The following ARHGEF10 variants were observed in gnomAD, a reference collection of about 807,000 sequenced individuals.
ARHGEF10 encodes Rho guanine nucleotide exchange factor (GEF) 10.
Under a neutral mutation model 147.4 loss-of-function variants are expected in ARHGEF10, and 140 were observed. That is an observed-to-expected ratio of 0.95 (90% confidence interval 0.83 to 1.09). The LOEUF (loss-of-function observed/expected upper bound fraction) is 1.09, where lower values mean the gene tolerates loss of function less well. Among genes scored for constraint, ARHGEF10 ranks in the 50% least tolerant of loss-of-function variants. The probability of loss-of-function intolerance (pLI) is 0.00; values close to 1 mark genes in which losing one functional copy is unlikely to be tolerated. For missense variants in ARHGEF10, 2,222 were observed against 1,752.7 expected (o/e 1.27, Z -4.78); for synonymous variants, 902 against 695.8 (o/e 1.30, Z -4.67).
intron 12 of ARHGEF10, among the ~76,000 whole-genome samples, chr8:1,894,021 A>G (rs1184263911): frequency 1.3e-5 from 2 of 151,902 alleles, no homozygotes; most frequent in East Asian, 3.9e-4. Context: ...TAAAATACAA[A>G]ATATTAGCCG....
intron 14 of ARHGEF10, 109 bp from the exon 15 acceptor site, chr8:1,898,324 A>G: frequency 1.1e-6 from 1 of 933,504 alleles, no homozygotes; most frequent in Non-Finnish European, 1.7e-6. Context: ...GACAAGGTGC[A>G]GGCTTTTGAC....
rs189891248 is a variant in ARHGEF10, at chr8:1,850,562, A to G, written c.37+7126A>G. Among the ~76,000 whole-genome samples the G allele has an allele frequency of 4.6e-4, 69 of 151,450 alleles. No individual in the cohort carries two copies. The Middle Eastern group carries it at 0.017, about 37-fold the overall frequency. On this transcript the variant is annotated intron_variant, in intron 2 of 28. Transcript: ENST00000349830. ...GCGTGGGGCAGCTGCGTGGACACAG[A>G]CGGCAAATGCTGAGGAGGGCCGGGT...
chr8:1,950,676 T>TGCCTA (rs1444336260), intron 27 of ARHGEF10, among the ~76,000 whole-genome samples: 1 of 151,450 alleles, frequency 6.6e-6, no homozygotes, highest in African/African-American at 2.4e-5. Context: ...GGATAACAGG[T>TGCCTA]GCCTACCACC....
chr8:1,844,345 C>T (rs7007668), intron 2 of ARHGEF10, among the ~76,000 whole-genome samples: 5,253 of 145,316 alleles, frequency 0.036, 76 homozygotes, highest in East Asian at 0.099. Flanking sequence ...GTCACCGGGG[C>T]CTGGTAGATG....
intron 1 of ARHGEF10, among the ~76,000 whole-genome samples, chr8:1,829,315 C>A (rs550988450): frequency 2.6e-5 from 4 of 152,378 alleles, no homozygotes; most frequent in African/African-American, 7.2e-5. Flanking sequence ...ATGGTGCGTG[C>A]AGTTCTGAGC....
chr8:1,866,462 G>T (rs1447435672), intron 5 of ARHGEF10, 64 bp from the exon 6 acceptor site: 9 of 1,409,104 alleles, frequency 6.4e-6, no homozygotes, highest in Non-Finnish European at 9.0e-6. Context: ...CTGCAGGGCA[G>T]TTGGCATCCT....
Position 1,956,992 on chromosome 8 carries a change from A to T in ARHGEF10, c.3764A>T (p.Asp1255Val). ...DSLGSMTQKSDLSSSSGSLSL... is the reference protein window; with the variant it reads ...DSLGSMTQKSVLSSSSGSLSL... ...CTGGGATCGATGACTCAGAAAAGCG[A>T]CCTGTCCTCCTCATCTGGGTCCCTG... Residue 1255 changes from aspartate to valine, a missense_variant, in exon 29 of 29, where the codon GAC becomes GTC. Physicochemically the swap from Asp to Val is radical, Grantham distance 152 (BLOSUM62 -3). Transcript: ENST00000349830. The T allele has an allele frequency of 6.2e-7, 1 of 1,614,084 alleles. No individual in the cohort carries two copies. The highest frequency in any genetic ancestry group is 8.5e-7 in the Non-Finnish European group (1 of 1,180,036).
intron 16 of ARHGEF10, among the ~76,000 whole-genome samples, chr8:1,904,988 G>C (rs1427668420): frequency 6.6e-6 from 1 of 152,142 alleles, no homozygotes; most frequent in Non-Finnish European, 1.5e-5. Flanking sequence ...AATTAGCTGG[G>C]TGTGGTGGTG....
At chr8:1,940,514 C>T (rs1443960297) in intron 26 of ARHGEF10, among the ~76,000 whole-genome samples, 2 of 152,134 alleles carry the variant, frequency 1.3e-5, no homozygotes. Context: ...CAACAAAAAG[C>T]CCAGGACCAG....
intron 28 of ARHGEF10, among the ~76,000 whole-genome samples, chr8:1,956,339 T>C (rs6989473): frequency 6.6e-6 from 1 of 152,056 alleles, no homozygotes; most frequent in Non-Finnish European, 1.5e-5. Flanking sequence ...TAGTCATTTC[T>C]TTCCCAAACC....
In ARHGEF10 at chr8:1,824,008, C is replaced by G. The variant is rs1211872498; in HGVS notation, c.-153C>G. On this transcript the variant is annotated 5_prime_UTR_variant, in exon 1 of 29. Transcript: ENST00000349830. Reference sequence around the variant, plus strand: ...CGGGGGACGCGGGGGACGCGGGGGACGGCGGGGAACGGCGGGGGACGGCGG... The same window carrying G: ...CGGGGGACGCGGGGGACGCGGGGGAGGGCGGGGAACGGCGGGGGACGGCGG... 1.4e-5 allele frequency: 1 copy of G among 69,468 alleles called. No individual in the cohort carries two copies. Among genetic ancestry groups the G allele is most frequent in the Non-Finnish European group, 2.8e-5 (1 of 35,900 alleles). 4.3% of individuals were successfully genotyped at this position (69,468 alleles called of 1,614,324 possible).
chr8:1,911,857 C>T (rs901670202), intron 18 of ARHGEF10, among the ~76,000 whole-genome samples: 2 of 152,214 alleles, frequency 1.3e-5, no homozygotes, highest in Non-Finnish European at 2.9e-5. Context: ...TGTAATACCT[C>T]CCTCAGAGTT....
chr8:1,908,097 C>G (rs1459339863), intron 17 of ARHGEF10, among the ~76,000 whole-genome samples: 1 of 152,022 alleles, frequency 6.6e-6, no homozygotes, highest in African/African-American at 2.4e-5. Context: ...ACTGGATGTC[C>G]TCATGGAGGG....
intron 27 of ARHGEF10, among the ~76,000 whole-genome samples, chr8:1,949,069 G>T (rs1190299211): frequency 6.6e-6 from 1 of 152,006 alleles, no homozygotes; most frequent in African/African-American, 2.4e-5. Context: ...TTATCTTTTT[G>T]TGCTATTGCT....
intron 1 of ARHGEF10, among the ~76,000 whole-genome samples, chr8:1,838,075 G>T (rs1486745415): frequency 2.6e-5 from 4 of 152,204 alleles, no homozygotes; most frequent in African/African-American, 9.6e-5. Context: ...TATGGTGGAT[G>T]CGTCTTTGTC....
intron 15 of ARHGEF10, among the ~76,000 whole-genome samples, chr8:1,900,205 T>C (rs1039835735): frequency 5.9e-5 from 9 of 152,204 alleles, no homozygotes; most frequent in Non-Finnish European, 1.2e-4. Flanking sequence ...GCCTAGGTTT[T>C]TTCCGAAATA....
intron 18 of ARHGEF10, among the ~76,000 whole-genome samples, chr8:1,921,293 A>G (rs923763189): frequency 6.6e-6 from 1 of 152,188 alleles, no homozygotes; most frequent in Non-Finnish European, 1.5e-5. Context: ...AAATCTTTTT[A>G]TTGGAAATAT....
chr8:1,956,223 A>G lies in ARHGEF10; in HGVS notation c.3521-526A>G, dbSNP rs139029441. ...CGATCGTGACTTTAAAATTTGAATC[A>G]CATCACCTGAAAACTGAAAGTCCTA... On this transcript the variant is annotated intron_variant, in intron 28 of 28. Coordinates refer to ENST00000349830, the MANE Select transcript of ARHGEF10 (RefSeq NM_014629.4). Among the ~76,000 whole-genome samples the G allele has an allele frequency of 2.6e-3, 393 of 152,308 alleles. 5 individuals carry two copies. Among genetic ancestry groups the G allele is most frequent in the African/African-American group, 9.0e-3 (374 of 41,564 alleles).
At position 1,864,541 on chromosome 8, in the gene ARHGEF10, C is replaced by T. The variant is rs545256467; in HGVS notation, c.545+105C>T. ...TCCCTGCCCGCCATCCTCAGCTCTG[C>T]GCGGCGGGAGCTGTCCCAACCCCAC... On this transcript the variant is annotated intron_variant, in intron 5 of 28. Transcript: ENST00000349830. 29 of 1,231,164 alleles carry T rather than the reference C, an allele frequency of 2.4e-5. No homozygotes were observed. The East Asian group carries it at 3.7e-4, about 16-fold the overall frequency. The allele number at this position is 1,231,164 out of a possible 1,614,324, so 76.3% of individuals were successfully genotyped here. A position where few individuals can be genotyped will look rare whatever the true frequency, so the allele number is the denominator to read the frequency against.
Sources: gnomAD v4.1 joint callset for allele counts (sites outside exome capture counted in the v4.1 genomes callset) on GRCh38, gnomAD v4.1.1 for gene constraint, MANE v1.5 for transcripts, NCBI Gene and HGNC (gene_info 2026-07-23, HGNC 2026-07-21) for gene names.